The following ST8SIA6 variants were observed in gnomAD, a reference collection of about 807,000 sequenced individuals.
ST8SIA6 encodes the protein ST8 alpha-N-acetyl-neuraminide alpha-2,8-sialyltransferase 6.
A neutral mutation model predicts 33.6 loss-of-function variants in ST8SIA6; 39 were observed. That is an observed-to-expected ratio of 1.16 (90% CI 0.90 to 1.52). ST8SIA6 has a LOEUF of 1.52. Ranked by LOEUF, ST8SIA6 falls within the 40% of genes most tolerant of loss-of-function variation. ST8SIA6 has a pLI of 0.00. For synonymous variants in ST8SIA6, 172 were observed against 167.2 expected, an observed-to-expected ratio of 1.03 and a Z score of -0.22; for missense variants, 441 against 443.8, an observed-to-expected ratio of 0.99 and a Z score of 0.06.
intron 3 of ST8SIA6, among the ~76,000 whole-genome samples, chr10:17,383,185 G>T (rs1417076561): frequency 6.6e-6 from 1 of 151,696 alleles, no homozygotes; most frequent in Non-Finnish European, 1.5e-5. Context: ...ACAATGACCT[G>T]TAATCCTATT....
intron 3 of ST8SIA6, among the ~76,000 whole-genome samples, chr10:17,372,046 C>T (rs1031546436): frequency 1.2e-4 from 18 of 152,228 alleles, no homozygotes; most frequent in African/African-American, 4.3e-4. Flanking sequence ...TGGTATTGGG[C>T]ACTTAGTAGT....
chr10:17,363,151 TCTCC>T (rs1849448118), intron 3 of ST8SIA6, among the ~76,000 whole-genome samples: 1 of 152,180 alleles, frequency 6.6e-6, no homozygotes, highest in Non-Finnish European at 1.5e-5. Flanking sequence ...TATTTACAAA[TCTCC>T]CCATTTAAAG....
intron 3 of ST8SIA6, among the ~76,000 whole-genome samples, chr10:17,360,891 AGAT>A (rs1306089523): frequency 6.6e-6 from 1 of 150,564 alleles, no homozygotes; most frequent in African/African-American, 2.4e-5. Context: ...AGAAGAAAGA[AGAT>A]GACGAAGAAG....
intron 4 of ST8SIA6, among the ~76,000 whole-genome samples, chr10:17,357,666 GGGA>G (rs765437626): frequency 8.5e-5 from 13 of 152,264 alleles, no homozygotes; most frequent in Non-Finnish European, 1.6e-4. Flanking sequence ...CTTCGTGGCA[GGGA>G]GGACCTGCTC....
chr10:17,434,498 G>T (rs544276794), intron 2 of ST8SIA6, among the ~76,000 whole-genome samples: 9 of 152,304 alleles, frequency 5.9e-5, no homozygotes, highest in African/African-American at 2.2e-4. Flanking sequence ...AGTCAGTACT[G>T]TGCTGAGAAG....
At chr10:17,337,035 G>T (rs1588799340) in intron 4 of ST8SIA6, among the ~76,000 whole-genome samples, 1 of 152,162 alleles carries the variant, frequency 6.6e-6, no homozygotes, top group South Asian at 2.1e-4. Context: ...TGGAGGAGGG[G>T]CCCGGTGGGA....
chr10:17,372,696 G>A (rs905291194), intron 3 of ST8SIA6, among the ~76,000 whole-genome samples: 9 of 152,272 alleles, frequency 5.9e-5, no homozygotes, highest in Non-Finnish European at 1.2e-4. Context: ...AAAGGATTAT[G>A]AACTGAGTAA....
intron 3 of ST8SIA6, among the ~76,000 whole-genome samples, chr10:17,367,503 A>G (rs1159739477): frequency 6.6e-6 from 1 of 152,186 alleles, no homozygotes; most frequent in Non-Finnish European, 1.5e-5. Flanking sequence ...AGCCAACCAT[A>G]TCACTTCTTC....
At chr10:17,401,613 C>G (rs1026383140) in intron 2 of ST8SIA6, among the ~76,000 whole-genome samples, 38 of 152,152 alleles carry the variant, frequency 2.5e-4, no homozygotes, top group African/African-American at 8.9e-4. Context: ...ACTGAGCCCT[C>G]AGAAATAATA....
Position 17,320,695 on chromosome 10 carries a change from A to T in ST8SIA6, c.*183T>A, listed in dbSNP as rs1847913738. On this transcript the variant is annotated 3_prime_UTR_variant, in exon 8 of 8. Coordinates refer to ENST00000377602, the MANE Select transcript of ST8SIA6 (RefSeq NM_001004470.3). ...TATGGTGTCCATGTTATAAGGAGAA[A>T]AAATGAAGATGAGAAGGATTGAATG... 2 of 611,406 alleles carry T rather than the reference A, an allele frequency of 3.3e-6. No homozygotes were observed. The highest frequency in any genetic ancestry group is 5.7e-6 in the Non-Finnish European group (2 of 348,630). 37.9% of individuals were successfully genotyped at this position (611,406 alleles called of 1,614,324 possible). A position where few individuals can be genotyped will look rare whatever the true frequency, so the allele number is the denominator to read the frequency against.
Position 17,331,398 on chromosome 10 carries a change from C to T in ST8SIA6, c.522+10G>A. ...GTAACACAAATAACCCACCAGAAAC[C>T]TTTACTCACCACTGGAAACATATGA... On this transcript the variant is annotated intron_variant, in intron 5 of 7. Coordinates refer to ENST00000377602, the MANE Select transcript of ST8SIA6 (RefSeq NM_001004470.3). The T allele has an allele frequency of 6.2e-7, 1 of 1,604,706 alleles. No homozygotes were observed. Among genetic ancestry groups the T allele is most frequent in the Non-Finnish European group, 8.5e-7 (1 of 1,176,916 alleles).
chr10:17,420,008 A>G (rs1356052840), intron 2 of ST8SIA6, among the ~76,000 whole-genome samples: 1 of 152,242 alleles, frequency 6.6e-6, no homozygotes, highest in African/African-American at 2.4e-5. Context: ...ACTTAAATAG[A>G]CACACGTTTT....
intron 2 of ST8SIA6, among the ~76,000 whole-genome samples, chr10:17,396,036 G>A (rs1246234150): frequency 6.6e-6 from 1 of 152,156 alleles, no homozygotes; most frequent in Non-Finnish European, 1.5e-5. Flanking sequence ...CTGTAGTCGG[G>A]TTAGCATGAG....
At chr10:17,402,445 T>C (rs1429432103) in intron 2 of ST8SIA6, among the ~76,000 whole-genome samples, 3 of 152,136 alleles carry the variant, frequency 2.0e-5, no homozygotes, top group Non-Finnish European at 2.9e-5. Flanking sequence ...ACCCAAAGGA[T>C]TATAAATCAT....
At chr10:17,327,447 C>T (rs1018603379) in intron 5 of ST8SIA6, among the ~76,000 whole-genome samples, 2 of 151,898 alleles carry the variant, frequency 1.3e-5, no homozygotes, top group African/African-American at 2.4e-5. Context: ...ATTAGCTGGG[C>T]GTGGTGGTGG....
chr10:17,333,704 TATATATA>T (rs1848392920), intron 4 of ST8SIA6, among the ~76,000 whole-genome samples: 2 of 30,060 alleles, frequency 6.7e-5, no homozygotes, highest in South Asian at 8.9e-4. Flanking sequence ...TATATATATA[TATATATA>T]TATATATTTT....
rs138988294 is a variant in ST8SIA6 at position 17,434,715 on chromosome 10, T to C, written c.200+18844A>G. Among the ~76,000 whole-genome samples, 1,202 of 151,968 alleles carry C rather than the reference T, an allele frequency of 7.9e-3. 10 individuals are homozygous for C. The highest frequency in any genetic ancestry group is 0.028 in the African/African-American group (1,144 of 41,356). Reference sequence around the variant, plus strand: ...GCAGCAGGAATGAAGGGTGAACCTGTGTCTGTAGGTGTTGGGAGGACACAC... The same window carrying C: ...GCAGCAGGAATGAAGGGTGAACCTGCGTCTGTAGGTGTTGGGAGGACACAC... On this transcript the variant is annotated intron_variant, in intron 2 of 7. Coordinates refer to ENST00000377602, the MANE Select transcript of ST8SIA6 (RefSeq NM_001004470.3).
At chr10:17,372,848 T>C (rs964505011) in intron 3 of ST8SIA6, among the ~76,000 whole-genome samples, 2 of 152,338 alleles carry the variant, frequency 1.3e-5, no homozygotes, top group East Asian at 3.9e-4. Flanking sequence ...TGCAATATTC[T>C]ATTGGTTTCA....
At chr10:17,448,499 G>C (rs185026359) in intron 2 of ST8SIA6, among the ~76,000 whole-genome samples, 1 of 152,190 alleles carries the variant, frequency 6.6e-6, no homozygotes, top group African/African-American at 2.4e-5. Context: ...ACACAAGCTT[G>C]TGCGGGCCGT....
Sources: gnomAD v4.1 joint callset for allele counts (sites outside exome capture counted in the v4.1 genomes callset) on GRCh38, gnomAD v4.1.1 for gene constraint, MANE v1.5 for transcripts, NCBI Gene and HGNC (gene_info 2026-07-23, HGNC 2026-07-21) for gene names.